The following COL4A1 variants were observed in gnomAD, a reference collection of about 807,000 sequenced individuals.
The protein encoded by COL4A1 is collagen alpha-1(IV) chain.
Under a neutral mutation model 216.6 loss-of-function variants are expected in COL4A1, and 40 were observed. That is an observed-to-expected ratio of 0.18 (90% CI 0.14 to 0.24). The LOEUF is 0.24. Among genes scored for constraint, COL4A1 ranks in the 10% least tolerant of loss-of-function variants. The probability of loss-of-function intolerance (pLI) is 1.00; values close to 1 mark genes in which losing one functional copy is unlikely to be tolerated. For synonymous variants in COL4A1, 839 were observed against 810.7 expected (o/e 1.03, Z -0.59); for missense variants, 1,628 against 2,196.8 (o/e 0.74, Z 5.18).
chr13:110,221,186 A>C (rs1033278261), intron 2 of COL4A1, among the ~76,000 whole-genome samples: 52 of 152,214 alleles, frequency 3.4e-4, no homozygotes, highest in Non-Finnish European at 8.8e-5. Context: ...CTGAACACTC[A>C]AGTCATATGT....
rs750056615 is a variant in COL4A1, at chr13:110,178,910, G to C, written c.2458+13C>G. On this transcript the variant is annotated intron_variant, in intron 31 of 51. Transcript: ENST00000375820. ...CTTTTGGGAACAGATAATTCTAGAA[G>C]CATGTCACTCACCTGACAACCCCGG... 4.2e-5 allele frequency: 67 copies of C among 1,589,958 alleles called. No homozygotes were observed. Among genetic ancestry groups the C allele is most frequent in the Non-Finnish European group, 5.4e-5 (63 of 1,161,222 alleles).
At chr13:110,190,479 G>C (rs1327601642) in intron 24 of COL4A1, among the ~76,000 whole-genome samples, 1 of 152,100 alleles carries the variant, frequency 6.6e-6, no homozygotes, top group African/African-American at 2.4e-5. Flanking sequence ...ATCCGCTCGG[G>C]GAGTCGGCCT....
At chr13:110,170,912 C>T (rs1329133484) in intron 41 of COL4A1, among the ~76,000 whole-genome samples, 180 bp from the exon 42 acceptor site, 1 of 152,208 alleles carries the variant, frequency 6.6e-6, no homozygotes. Context: ...TCTTTAATAA[C>T]ACACTAGAAT....
intron 1 of COL4A1, among the ~76,000 whole-genome samples, chr13:110,275,428 A>G (rs1363925962): frequency 6.6e-6 from 1 of 152,242 alleles, no homozygotes; most frequent in African/African-American, 2.4e-5. Flanking sequence ...GGTGTGGAAC[A>G]ACAAAAATTC....
At chr13:110,187,745 G>A (rs941370618) in intron 24 of COL4A1, among the ~76,000 whole-genome samples, 2 of 152,094 alleles carry the variant, frequency 1.3e-5, no homozygotes, top group African/African-American at 4.8e-5. Flanking sequence ...AAGAACAATC[G>A]CTGTCCTCAG....
At chr13:110,201,241 A>T (rs920268319) in intron 19 of COL4A1, among the ~76,000 whole-genome samples, 197 bp downstream of exon 19, 1 of 140,158 alleles carries the variant, frequency 7.1e-6, no homozygotes, top group Non-Finnish European at 1.5e-5. Flanking sequence ...GAGAGAGAGA[A>T]GGAGGAGGAG....
Position 110,152,518 on chromosome 13 carries a change from A to G in COL4A1, c.4756-12T>C. On this transcript the variant is annotated splice_polypyrimidine_tract_variant and intron_variant, in intron 50 of 51. Transcript: ENST00000375820. ...CCAGCGCTGGTGTGCTGCAGAACAG[A>G]TGCGAGCCGTGAGTCAGAGGTTCCC... is the stretch of plus-strand genomic sequence containing the variant. 2.5e-6 allele frequency: 4 copies of G among 1,605,876 alleles called. No individual in the cohort carries two copies. The highest frequency in any genetic ancestry group is 3.4e-6 in the Non-Finnish European group (4 of 1,178,724).
At chr13:110,260,562 T>C (rs1022558615) in intron 1 of COL4A1, among the ~76,000 whole-genome samples, 16 of 152,150 alleles carry the variant, frequency 1.1e-4, no homozygotes, top group African/African-American at 3.9e-4. Flanking sequence ...CAAAAGGCCA[T>C]CTCCGGCCCA....
intron 1 of COL4A1, among the ~76,000 whole-genome samples, chr13:110,285,855 T>C (rs1883824396): frequency 6.6e-6 from 1 of 152,166 alleles, no homozygotes; most frequent in Admixed American, 6.5e-5. Context: ...GTCAAGACCT[T>C]ATAATAAATC....
chr13:110,189,290 C>T (rs1159200709), intron 24 of COL4A1, among the ~76,000 whole-genome samples: 9 of 152,134 alleles, frequency 5.9e-5, no homozygotes, highest in Admixed American at 3.9e-4. Context: ...CTCGAACTCC[C>T]GACCTCAGGT....
In COL4A1 at chr13:110,175,568, C is replaced by T. The variant is rs1891964; in HGVS notation, c.3059-211G>A. On this transcript the variant is annotated intron_variant, in intron 36 of 51. Transcript: ENST00000375820. Reference sequence around the variant, plus strand: ...AGTCACCCAGATCACATCAGAGCCACGCTAGGAAATGTCTCTCCCGTCCTT... The same window carrying T: ...AGTCACCCAGATCACATCAGAGCCATGCTAGGAAATGTCTCTCCCGTCCTT... 0.34 allele frequency among the ~76,000 whole-genome samples: 51,621 copies of T among 152,090 alleles called. 8,842 individuals are homozygous for T. The highest frequency in any genetic ancestry group is 0.37 in the Non-Finnish European group (25,120 of 67,982).
rs112214838 is a variant in COL4A1, at chr13:110,247,075, G to A, written c.85-4341C>T. ...AAAAAGAGGACCCTAGAAAGCTCTT[G>A]GGGTTGGGGGTGAATTTATTATTTA... On this transcript the variant is annotated intron_variant, in intron 1 of 51. Transcript: ENST00000375820. Among the ~76,000 whole-genome samples the A allele has an allele frequency of 6.0e-3, 915 of 152,244 alleles. 13 individuals are homozygous for A. Among genetic ancestry groups the A allele is most frequent in the African/African-American group, 0.021 (868 of 41,544 alleles).
chr13:110,304,015 C>T (rs535767293), intron 1 of COL4A1, among the ~76,000 whole-genome samples: 10 of 152,336 alleles, frequency 6.6e-5, no homozygotes, highest in African/African-American at 1.7e-4. Flanking sequence ...CTAAAGCACA[C>T]TCATCCTGTG....
At chr13:110,173,439 G>T (rs1877735500) in intron 40 of COL4A1, among the ~76,000 whole-genome samples, 1 of 152,008 alleles carries the variant, frequency 6.6e-6, no homozygotes, top group Admixed American at 6.5e-5. Flanking sequence ...CATCACACCT[G>T]CACTTTTGTC....
At chr13:110,264,912 ACAT>A in intron 1 of COL4A1, among the ~76,000 whole-genome samples, 1 of 152,306 alleles carries the variant, frequency 6.6e-6, no homozygotes, top group Non-Finnish European at 1.5e-5. Flanking sequence ...GAGATCTGGG[ACAT>A]GCTTTTTACA....
At chr13:110,236,769 A>G (rs1881335497) in intron 2 of COL4A1, among the ~76,000 whole-genome samples, 1 of 152,354 alleles carries the variant, frequency 6.6e-6, no homozygotes, top group East Asian at 1.9e-4. Context: ...GACCTCTCAC[A>G]GGCCTGAAAC....
intron 1 of COL4A1, among the ~76,000 whole-genome samples, chr13:110,253,762 A>G (rs1217400620): frequency 2.2e-5 from 2 of 90,524 alleles, no homozygotes; most frequent in Non-Finnish European, 5.6e-5. Context: ...ATATAATTAT[A>G]CGTATGTATG....
chr13:110,253,586 C>T (rs1882337915), intron 1 of COL4A1, among the ~76,000 whole-genome samples: 1 of 140,578 alleles, frequency 7.1e-6, no homozygotes, highest in South Asian at 2.2e-4. Flanking sequence ...ATTACATATG[C>T]ATATAATTAT....
rs751501177 is a variant in COL4A1 at position 110,222,771 on chromosome 13, T to TAAAA, written c.145-8757_145-8756insTTTT. Among the ~76,000 whole-genome samples the TAAAA allele has an allele frequency of 4.3e-3, 400 of 93,362 alleles. 61 individuals carry two copies. Among genetic ancestry groups the TAAAA allele is most frequent in the Non-Finnish European group, 6.3e-3 (292 of 46,520 alleles). 61.2% of individuals were successfully genotyped at this position (93,362 alleles called of 152,430 possible). ...CTGGGCGACAGAGCCAGACTCTGCT[T>TAAAA]TAAAAAAAAAAAAAAAAAAAAAAAA... is the stretch of plus-strand genomic sequence containing the variant. On this transcript the variant is annotated intron_variant, in intron 2 of 51. Coordinates refer to ENST00000375820, the MANE Select transcript of COL4A1 (RefSeq NM_001845.6).
Sources: allele counts gnomAD v4.1 joint callset (sites outside exome capture counted in the v4.1 genomes callset), GRCh38; gene constraint gnomAD v4.1.1; transcripts MANE v1.5; gene names NCBI Gene and HGNC (gene_info 2026-07-23, HGNC 2026-07-21).